The following RIC3 variants were observed in gnomAD, a reference collection of about 807,000 sequenced individuals.
The protein encoded by RIC3 is RIC3 acetylcholine receptor chaperone.
Under a neutral mutation model 27.3 loss-of-function variants are expected in RIC3, and 28 were observed. The observed-to-expected ratio is 1.02, with a 90% CI of 0.76 to 1.41. The LOEUF is 1.41. RIC3 is among the 40% of genes most tolerant of loss of function. RIC3 has a pLI of 0.00. For synonymous variants in RIC3, 184 were observed against 160.4 expected (o/e 1.15, Z -1.11); for missense variants, 501 against 444.7 (o/e 1.13, Z -1.14).
chr11:8,139,324 A>G (rs577375629), intron 2 of RIC3: 35 of 153,262 alleles, frequency 2.3e-4, no homozygotes, highest in African/African-American at 6.7e-4. Context: ...TTCACAGTAC[A>G]GGGGCCAGGG....
At chr11:8,100,820 T>G in the RIC3 span, 1 of 1,613,582 alleles carries the variant, frequency 6.2e-7, no homozygotes, top group Non-Finnish European at 8.5e-7. Flanking sequence ...GAGGCTGCCC[T>G]CCCAGGAGCA....
intron 5 of RIC3, among the ~76,000 whole-genome samples, chr11:8,117,265 G>A (rs1165917129): frequency 3.3e-5 from 5 of 152,122 alleles, no homozygotes; most frequent in African/African-American, 7.2e-5. Context: ...GGGTTTCACC[G>A]TGTTGCCCAG....
intron 1 of RIC3, among the ~76,000 whole-genome samples, chr11:8,157,282 C>G (rs946925561): frequency 6.6e-6 from 1 of 152,238 alleles, no homozygotes; most frequent in African/African-American, 2.4e-5. Flanking sequence ...CAGCTTTAGC[C>G]TTTCTCTAGT....
At chr11:8,137,269 C>A in intron 4 of RIC3, 109 bp downstream of exon 4, 1 of 849,134 alleles carries the variant, frequency 1.2e-6, no homozygotes, top group Non-Finnish European at 1.9e-6. Flanking sequence ...GATGATCCAC[C>A]CACCTCGGCC....
At chr11:8,105,547 C>CTACTGCACTTAGTAGCTA (rs1944528638), downstream of RIC3, 1 of 152,210 alleles carries the variant, frequency 6.6e-6, no homozygotes, top group African/African-American at 2.4e-5. Flanking sequence ...ATAGAAAGCA[C>CTACTGCACTTAGTAGCTA]TACTGCACTT....
intron 5 of RIC3, among the ~76,000 whole-genome samples, chr11:8,116,833 A>G (rs558640982): frequency 1.6e-4 from 24 of 152,348 alleles, no homozygotes; most frequent in African/African-American, 5.8e-4. Context: ...TACAGTCACT[A>G]TGGAAAACAG....
At chr11:8,137,316 A>G (rs953882342) in intron 4 of RIC3, 62 bp downstream of exon 4, 23 of 1,488,310 alleles carry the variant, frequency 1.5e-5, no homozygotes, top group Non-Finnish European at 2.1e-5. Context: ...CGGCCACTGC[A>G]CCCAGCCTGA....
chr11:8,158,594 G>A (rs1950885449), intron 1 of RIC3, among the ~76,000 whole-genome samples: 1 of 151,246 alleles, frequency 6.6e-6, no homozygotes, highest in Non-Finnish European at 1.5e-5. Context: ...AGGGAGAGCA[G>A]AAGAACTGCT....
At chr11:8,136,425 C>T (rs1459594776) in intron 4 of RIC3, among the ~76,000 whole-genome samples, 3 of 152,196 alleles carry the variant, frequency 2.0e-5, no homozygotes, top group Admixed American at 1.3e-4. Context: ...TGCCAGAAGA[C>T]CTAGCTGAAA....
chr11:8,110,356 A>ACC lies in RIC3; in HGVS notation c.*341_*342insGG. 2.5e-6 allele frequency: 1 copy of ACC among 393,854 alleles called. No homozygotes were observed. The highest frequency in any genetic ancestry group is 5.9e-5 in the East Asian group (1 of 16,824). The allele number at this position is 393,854 out of a possible 1,614,324, so 24.4% of individuals were successfully genotyped here. ...GCTGATGTTCGTTCACAGGTGAACTATCTGTTACACCTACCAGGAAGAGTC... is the reference window on the plus strand; with the variant it reads ...GCTGATGTTCGTTCACAGGTGAACTACCTCTGTTACACCTACCAGGAAGAGTC... On this transcript the variant is annotated 3_prime_UTR_variant, in exon 6 of 6. Transcript: ENST00000309737.
chr11:8,139,897 T>C (rs750993572), intron 2 of RIC3, 70 bp downstream of exon 2: 14 of 1,358,106 alleles, frequency 1.0e-5, no homozygotes, highest in East Asian at 2.4e-5. Flanking sequence ...GAAGTTTTAA[T>C]GTAGACAATG....
At position 8,168,851 on chromosome 11, in the gene RIC3, C is replaced by T; in HGVS notation, c.124+15G>A. The T allele has an allele frequency of 1.2e-6, 2 of 1,608,700 alleles. No homozygotes were observed. Among genetic ancestry groups the T allele is most frequent in the Non-Finnish European group, 1.7e-6 (2 of 1,177,124 alleles). ...TCGGCGCCGGGAAGCTCAGAGGGAG[C>T]TGGCCTGCTCTTACCTTCAGGTGTC... On this transcript the variant is annotated intron_variant, in intron 1 of 5. Transcript: ENST00000309737.
chr11:8,168,095 G>A (rs530804400), intron 1 of RIC3, among the ~76,000 whole-genome samples: 35 of 152,280 alleles, frequency 2.3e-4, no homozygotes, highest in African/African-American at 8.2e-4. Flanking sequence ...TAATTTACAG[G>A]AGAAAGTTAC....
At chr11:8,138,236 A>G in intron 3 of RIC3, 36 bp downstream of exon 3, 2 of 1,445,242 alleles carry the variant, frequency 1.4e-6, no homozygotes, top group Non-Finnish European at 1.9e-6. Flanking sequence ...GTTTGACTCA[A>G]TAATACCTGT....
At chr11:8,136,422 A>C (rs1948431289) in intron 4 of RIC3, among the ~76,000 whole-genome samples, 1 of 152,210 alleles carries the variant, frequency 6.6e-6, no homozygotes, top group African/African-American at 2.4e-5. Context: ...CCTTGCCAGA[A>C]GACCTAGCTG....
intron 1 of RIC3, among the ~76,000 whole-genome samples, chr11:8,166,826 G>A (rs1184447411): frequency 1.3e-5 from 2 of 152,054 alleles, no homozygotes; most frequent in Non-Finnish European, 2.9e-5. Context: ...AGGCTGCAGT[G>A]AGCTGTGATC....
At chr11:8,095,723 C>T in the RIC3 span, 39 of 1,516,786 alleles carry the variant, frequency 2.6e-5, no homozygotes, top group African/African-American at 4.5e-4. Context: ...TTCTCAGATG[C>T]ACCTTTCTCT....
intron 5 of RIC3, 56 bp downstream of exon 5, chr11:8,126,603 G>C: frequency 1.3e-6 from 2 of 1,593,446 alleles, no homozygotes; most frequent in Middle Eastern, 1.7e-4. Flanking sequence ...TTAAAAATCT[G>C]TAACATCTCT....
intron 1 of RIC3, among the ~76,000 whole-genome samples, chr11:8,159,378 T>C (rs898856114): frequency 1.3e-5 from 2 of 152,012 alleles, no homozygotes; most frequent in African/African-American, 4.8e-5. Context: ...GGGAAGAGAA[T>C]TACATAGGGC....
Sources: allele counts gnomAD v4.1 joint callset (sites outside exome capture counted in the v4.1 genomes callset), GRCh38; gene constraint gnomAD v4.1.1; transcripts MANE v1.5; gene names NCBI Gene and HGNC (gene_info 2026-07-23, HGNC 2026-07-21).